SEC63: variants seen among roughly 807,000 people sequenced by gnomAD.
The protein encoded by SEC63 is translocation protein SEC63 homolog.
In SEC63, 56 loss-of-function variants were observed where a neutral mutation model predicts 116.2. The ratio of observed to expected loss-of-function variants is 0.48; its 90% CI spans 0.39 to 0.60. SEC63 has a LOEUF of 0.60. SEC63 is among the 20% of genes least tolerant of loss of function. The pLI is 0.00. For missense variants in SEC63, 668 were observed against 900.0 expected (o/e 0.74, Z 3.30); for synonymous variants, 273 against 294.6 (o/e 0.93, Z 0.75).
chr6:107,874,369 C>T (rs760090484), intron 19 of SEC63, among the ~76,000 whole-genome samples: 15 of 152,092 alleles, frequency 9.9e-5, no homozygotes, highest in East Asian at 1.9e-4. Flanking sequence ...CCAAGGCGGG[C>T]GGATCACAAG....
In SEC63 at chr6:107,901,460, G is replaced by C. The variant is rs1244491090; in HGVS notation, c.1267C>G (p.Leu423Val). The change falls in exon 13 of 21, where the codon CTA (leucine) becomes GTA (valine). Residue 423 changes from leucine to valine, a missense_variant. Around this residue, in one of 5 missense-constraint regions of SEC63, gnomAD observed 430 missense variants for 557.5 expected, o/e 0.77. Coordinates refer to ENST00000369002, the MANE Select transcript of SEC63 (RefSeq NM_007214.5). The stretch of plus-strand genomic sequence containing the variant: ...TTTTCATCTTCAAGGAAGTGCAGTA[G>C]AGTGTGACGATCTGATTCTTTTAAA... ...VSLKESDRHT[L>V]LHFLEDEKYE... 6.2e-7 allele frequency: 1 copy of C among 1,610,046 alleles called. No individual in the cohort carries two copies. Among genetic ancestry groups the C allele is most frequent in the South Asian group, 1.1e-5 (1 of 90,988 alleles).
At chr6:107,943,214 A>G (rs1350745854) in intron 1 of SEC63, among the ~76,000 whole-genome samples, 1 of 152,260 alleles carries the variant, frequency 6.6e-6, no homozygotes, top group Non-Finnish European at 1.5e-5. Context: ...TTATTACAGT[A>G]GTATACACTA....
intron 16 of SEC63, among the ~76,000 whole-genome samples, chr6:107,886,728 T>C (rs779963022): frequency 9.2e-5 from 14 of 152,214 alleles, no homozygotes; most frequent in Non-Finnish European, 1.9e-4. Context: ...TGTAAATCTG[T>C]TTATGTTCTT....
chr6:107,904,667 A>G lies in SEC63; in HGVS notation c.1016T>C (p.Val339Ala). The change falls in exon 11 of 21, where the codon GTA becomes GCA. Residue 339 changes from valine (V) to alanine (A), a missense_variant. Physicochemically the swap from Val to Ala is moderately conservative, Grantham distance 64. Around this residue, in one of 5 missense-constraint regions of SEC63, gnomAD observed 430 missense variants for 557.5 expected, o/e 0.77. Transcript: ENST00000369002. ...CPALLQEMVN[V>A]ICQLIVMARN... ...GGCCATTACTATTAGTTGGCAGATT[A>G]CATTAACCATTTCTTGAAGTAGGGC... The G allele has an allele frequency of 6.2e-7, 1 of 1,613,848 alleles. No individual in the cohort carries two copies.
chr6:107,921,915 G>GA lies in SEC63; in HGVS notation c.340-7dup, dbSNP rs66526324. On this transcript the variant is annotated splice_region_variant and splice_polypyrimidine_tract_variant and intron_variant, in intron 3 of 20. Coordinates refer to ENST00000369002, the MANE Select transcript of SEC63 (RefSeq NM_007214.5). ...ATTTCTGCTACTGTGGCTCCCTGGG[G>GA]AAAAACAAAAAAAAAAAACAAGCTT... is the stretch of plus-strand genomic sequence containing the variant. 78 of 1,104,420 alleles carry GA rather than the reference G, an allele frequency of 7.1e-5. No homozygotes were observed. The highest frequency in any genetic ancestry group is 3.9e-4 in the African/African-American group (12 of 30,442). The allele number at this position is 1,104,420 out of a possible 1,614,324, so 68.4% of individuals were successfully genotyped here. A position where few individuals can be genotyped will look rare whatever the true frequency, so the allele number is the denominator to read the frequency against.
intron 4 of SEC63, among the ~76,000 whole-genome samples, chr6:107,917,244 T>C (rs1415076987): frequency 6.6e-6 from 1 of 152,258 alleles, no homozygotes; most frequent in Non-Finnish European, 1.5e-5. Context: ...TTTTAGTTAA[T>C]TTAGTATCTA....
At chr6:107,932,588 T>A (rs1411103497) in intron 1 of SEC63, among the ~76,000 whole-genome samples, 1 of 152,182 alleles carries the variant, frequency 6.6e-6, no homozygotes. Context: ...TGGAGTCAGT[T>A]TTCCACTGTC....
At chr6:107,879,971 T>A (rs890712039) in intron 18 of SEC63, among the ~76,000 whole-genome samples, 26 of 152,200 alleles carry the variant, frequency 1.7e-4, no homozygotes, top group African/African-American at 6.3e-4. Context: ...GTCTGTTACA[T>A]GGGTACACAC....
At chr6:107,926,391 TA>T (rs978442083) in intron 2 of SEC63, among the ~76,000 whole-genome samples, 8 of 152,120 alleles carry the variant, frequency 5.3e-5, no homozygotes, top group African/African-American at 1.4e-4. Context: ...AAATGAATCT[TA>T]AGAGGCCAAA....
intron 1 of SEC63, among the ~76,000 whole-genome samples, chr6:107,950,496 T>C (rs531840006): frequency 6.6e-6 from 1 of 152,330 alleles, no homozygotes; most frequent in South Asian, 2.1e-4. Flanking sequence ...ATGGGACGTT[T>C]TGCAGGATAG....
At chr6:107,904,131 A>C (rs1006301422) in intron 11 of SEC63, among the ~76,000 whole-genome samples, 7 of 149,908 alleles carry the variant, frequency 4.7e-5, no homozygotes, top group African/African-American at 1.5e-4. Context: ...AAAAAAAAAA[A>C]ACAAGAATTA....
chr6:107,886,607 G>C (rs374225245), intron 16 of SEC63, among the ~76,000 whole-genome samples: 1 of 152,312 alleles, frequency 6.6e-6, no homozygotes, highest in East Asian at 1.9e-4. Flanking sequence ...CTAATGACCA[G>C]TGATGATGAG....
intron 1 of SEC63, among the ~76,000 whole-genome samples, chr6:107,933,681 C>T (rs1463623614): frequency 6.6e-6 from 1 of 151,348 alleles, no homozygotes; most frequent in African/African-American, 2.4e-5. Context: ...TGCCCCTGCC[C>T]CTGCCCCTGC....
rs1186238795 is a variant in SEC63, at chr6:107,871,826, G to C, written c.2161C>G (p.Pro721Ala). The C allele has an allele frequency of 6.2e-7, 1 of 1,613,492 alleles. No individual in the cohort carries two copies. The highest frequency in any genetic ancestry group is 8.5e-7 in the Non-Finnish European group (1 of 1,179,718). ...PLKLEVHEAK[P>A]VPENHPQWDT... The stretch of plus-strand genomic sequence containing the variant: ...CACTGTGGGTGATTTTCTGGCACAG[G>C]CTTAGCCTCATGAACTTCCAACTAG... Residue 721 changes from proline to alanine, a missense_variant, in exon 21 of 21, where the codon CCT becomes GCT. Coordinates refer to ENST00000369002, the MANE Select transcript of SEC63 (RefSeq NM_007214.5).
chr6:107,902,704 TGAGA>T (rs1343739972), intron 12 of SEC63, 136 bp downstream of exon 12: 11 of 799,932 alleles, frequency 1.4e-5, no homozygotes, highest in African/African-American at 6.9e-5. Context: ...CAGAACCACC[TGAGA>T]GAAAGTTTTA....
At chr6:107,954,034 G>A (rs1228159260) in intron 1 of SEC63, among the ~76,000 whole-genome samples, 3 of 152,218 alleles carry the variant, frequency 2.0e-5, no homozygotes, top group Admixed American at 1.3e-4. Context: ...AGAGGGGAAA[G>A]GCAGGGAAAG....
intron 1 of SEC63, among the ~76,000 whole-genome samples, chr6:107,937,243 C>G (rs1770269183): frequency 6.6e-6 from 1 of 151,960 alleles, no homozygotes; most frequent in African/African-American, 2.4e-5. Flanking sequence ...CTGCCTCAGC[C>G]TCTCAAGTAG....
chr6:107,896,935 A>G (rs1210798579), intron 14 of SEC63, among the ~76,000 whole-genome samples: 2 of 151,734 alleles, frequency 1.3e-5, no homozygotes, highest in East Asian at 3.9e-4. Flanking sequence ...AGCCAAGATC[A>G]CGCCATTGCA....
At chr6:107,901,666 T>C (rs1331591409) in intron 12 of SEC63, 149 bp from the exon 13 acceptor site, 2 of 566,912 alleles carry the variant, frequency 3.5e-6, no homozygotes, top group Non-Finnish European at 6.1e-6. Flanking sequence ...AAAATAACGA[T>C]ATGGCATTTC....
Sources: allele counts gnomAD v4.1 joint callset (sites outside exome capture counted in the v4.1 genomes callset), GRCh38; gene constraint gnomAD v4.1.1; regional missense constraint gnomAD v4.1.1; transcripts MANE v1.5; gene names NCBI Gene and HGNC (gene_info 2026-07-23, HGNC 2026-07-21).